MALRD1: variants seen among roughly 807,000 people sequenced by gnomAD.
MALRD1 encodes the protein MAM and LDL receptor class A domain containing 1.
MALRD1 carries 247 observed loss-of-function variants against 242.1 expected under a neutral mutation model. The ratio of observed to expected loss-of-function variants is 1.02; its 90% confidence interval spans 0.92 to 1.13. The LOEUF is 1.13. Ranked by LOEUF, MALRD1 falls within the 50% of genes most tolerant of loss-of-function variation. MALRD1 has a pLI of 0.00. For missense variants in MALRD1, 2,989 were observed against 2,533.1 expected, an observed-to-expected ratio of 1.18 and a Z score of -3.86; for synonymous variants, 995 against 866.6, an observed-to-expected ratio of 1.15 and a Z score of -2.60.
intron 29 of MALRD1, among the ~76,000 whole-genome samples, chr10:19,482,816 A>G (rs1191108489): frequency 2.6e-5 from 4 of 152,076 alleles, no homozygotes; most frequent in African/African-American, 7.2e-5. Flanking sequence ...ATGTAAAAAC[A>G]TTCCATGTTC....
intron 28 of MALRD1, among the ~76,000 whole-genome samples, chr10:19,433,614 A>G (rs895610229): frequency 2.6e-5 from 4 of 152,162 alleles, no homozygotes; most frequent in Non-Finnish European, 2.9e-5. Context: ...TCCATTAACT[A>G]TATTGAAGAT....
At chr10:19,576,894 G>C (rs1235467380) in intron 33 of MALRD1, among the ~76,000 whole-genome samples, 2 of 150,860 alleles carry the variant, frequency 1.3e-5, no homozygotes, top group Non-Finnish European at 2.9e-5. Flanking sequence ...TATCTTATAA[G>C]GTATTGTTGA....
intron 4 of MALRD1, among the ~76,000 whole-genome samples, chr10:19,103,080 C>T (rs1836326450): frequency 6.6e-6 from 1 of 151,882 alleles, no homozygotes; most frequent in South Asian, 2.1e-4. Context: ...AACTCCTGAC[C>T]TCAAGTGATT....
chr10:19,306,016 TTATA>T (rs1338503235), intron 21 of MALRD1, among the ~76,000 whole-genome samples: 2 of 115,416 alleles, frequency 1.7e-5, no homozygotes, highest in Admixed American at 1.0e-4. Context: ...ATACTATATA[TTATA>T]TATACTATAC....
chr10:19,222,751 G>A (rs979634426), intron 18 of MALRD1, among the ~76,000 whole-genome samples: 13 of 151,572 alleles, frequency 8.6e-5, no homozygotes, highest in Non-Finnish European at 8.8e-5. Flanking sequence ...TTCTCTGCAA[G>A]TTTTTTTTTG....
At position 19,209,450 on chromosome 10, in the gene MALRD1, G is replaced by C. The variant is rs537113802; in HGVS notation, c.2761G>C (p.Ala921Pro). ...CTACATAGAATCTTCAGAGCCACAG[G>C]CTTTTCAAGACAGTGCTGCCTTACT... ...YLYIESSEPQ[A>P]FQDSAALLSP... Residue 921 changes from alanine to proline, a missense_variant, in exon 18 of 40, where the codon GCT becomes CCT. By Grantham distance (27) the Ala-to-Pro change is conservative (BLOSUM62 -1). Coordinates refer to ENST00000454679, the MANE Select transcript of MALRD1 (RefSeq NM_001142308.3). 6.8e-5 allele frequency: 106 copies of C among 1,550,892 alleles called. No homozygotes were observed. The highest frequency in any genetic ancestry group is 2.2e-4 in the Admixed American group (11 of 51,000).
chr10:19,595,272 C>T lies in MALRD1; in HGVS notation c.5759C>T (p.Ser1920Leu). The change falls in exon 34 of 40, where the codon TCA (serine) becomes TTA (leucine). Residue 1920 changes from serine to leucine, a missense_variant. Transcript: ENST00000454679. ...CIYTLQCVPL[S>L]GKCDGHEDCI... ...TACACACTCCAATGTGTCCCTCTCT[C>T]AGGGAAATGTGATGGACATGAAGAC... The T allele has an allele frequency of 1.9e-6, 3 of 1,550,684 alleles. No homozygotes were observed. Among genetic ancestry groups the T allele is most frequent in the Non-Finnish European group, 2.6e-6 (3 of 1,146,950 alleles).
Position 19,574,691 on chromosome 10 carries a change from G to A in MALRD1, c.5680+6988G>A, listed in dbSNP as rs550381964. 2.5e-4 allele frequency among the ~76,000 whole-genome samples: 38 copies of A among 152,200 alleles called. No homozygotes were observed. The East Asian group carries it at 6.0e-3, about 24-fold the overall frequency. ...ACTCTCTAGACCATGTTATGTCACC[G>A]GGGAAGTGAAATAGATGATTGCTTA... On this transcript the variant is annotated intron_variant, in intron 33 of 39. Transcript: ENST00000454679.
At chr10:19,686,333 T>A (rs1842580112) in intron 36 of MALRD1, among the ~76,000 whole-genome samples, 1 of 152,152 alleles carries the variant, frequency 6.6e-6, no homozygotes, top group Admixed American at 6.5e-5. Flanking sequence ...TGTCTGCATG[T>A]GTGGGGGCCC....
At chr10:19,101,415 T>G (rs11008482) in intron 4 of MALRD1, among the ~76,000 whole-genome samples, 4,717 of 141,536 alleles carry the variant, frequency 0.033, 238 homozygotes, top group African/African-American at 0.12. Context: ...ATATATTATA[T>G]ATTATAATAA....
chr10:19,572,314 T>C (rs1252232597), intron 33 of MALRD1, among the ~76,000 whole-genome samples: 3 of 152,208 alleles, frequency 2.0e-5, no homozygotes, highest in Non-Finnish European at 4.4e-5. Flanking sequence ...TGTTTTCTGT[T>C]TTACTTCTAT....
chr10:19,420,699 G>T (rs780172390), intron 28 of MALRD1, among the ~76,000 whole-genome samples: 3 of 152,018 alleles, frequency 2.0e-5, no homozygotes, highest in Admixed American at 6.6e-5. Context: ...TCAGAGCTTT[G>T]TCTCCCATGC....
intron 29 of MALRD1, among the ~76,000 whole-genome samples, chr10:19,458,892 TTA>T (rs35759245): frequency 8.8e-4 from 132 of 149,860 alleles, no homozygotes; most frequent in African/African-American, 2.5e-3. Context: ...TATAGTTGAG[TTA>T]TATATATATA....
chr10:19,066,980 G>A (rs751752153), intron 2 of MALRD1, 121 bp downstream of exon 2: 1 of 672,554 alleles, frequency 1.5e-6, no homozygotes, highest in Non-Finnish European at 2.1e-6. Context: ...GTTTAATTAG[G>A]GAAGCAGAAT....
At position 19,124,537 on chromosome 10, in the gene MALRD1, TG is replaced by T; in HGVS notation, c.813del (p.Phe272LeufsTer49). On this transcript the variant is annotated frameshift_variant, in exon 7 of 40. Coordinates refer to ENST00000454679, the MANE Select transcript of MALRD1 (RefSeq NM_001142308.3). LOFTEE classifies it high-confidence loss of function. ...TCTCCCGTTTAGTGTGTCAGGCCTG[TG>T]GGTTTGAATTTGACATGTGTGAGTG... ...DEELRLCQACGFEFDMCEWTS... is the reference protein window; with the variant it reads ...DEELRLCQACXFEFDMCEWTS... The T allele has an allele frequency of 4.9e-6, 6 of 1,233,712 alleles. No individual in the cohort carries two copies. The highest frequency in any genetic ancestry group is 6.1e-6 in the Non-Finnish European group (6 of 988,070). The allele number at this position is 1,233,712 out of a possible 1,614,324, so 76.4% of individuals were successfully genotyped here.
At chr10:19,647,679 C>G (rs1224192777) in intron 36 of MALRD1, among the ~76,000 whole-genome samples, 1 of 152,058 alleles carries the variant, frequency 6.6e-6, no homozygotes, top group African/African-American at 2.4e-5. Flanking sequence ...CTGGTTTAAC[C>G]TGGGATATTG....
intron 31 of MALRD1, among the ~76,000 whole-genome samples, chr10:19,523,111 G>C (rs529110645): frequency 6.6e-6 from 1 of 152,144 alleles, no homozygotes; most frequent in African/African-American, 2.4e-5. Flanking sequence ...ACCCCATGAG[G>C]CTGAAGTATG....
intron 25 of MALRD1, among the ~76,000 whole-genome samples, chr10:19,350,784 AAGG>A (rs765225423): frequency 6.6e-6 from 1 of 152,180 alleles, no homozygotes; most frequent in East Asian, 1.9e-4. Context: ...AGACAAACAA[AAGG>A]AGAAGTCCCT....
In MALRD1 at chr10:19,274,573, G is replaced by A. The variant is rs11009232; in HGVS notation, c.3080-5474G>A. Among the ~76,000 whole-genome samples, 393 of 152,204 alleles carry A rather than the reference G, an allele frequency of 2.6e-3. 1 individual carries two copies. Among genetic ancestry groups the A allele is most frequent in the African/African-American group, 9.2e-3 (380 of 41,508 alleles). ...AGTGGGCCAGACACCACTTCTGCTG[G>A]CACCTTGAGCTTACACTTCCCAGCC... On this transcript the variant is annotated intron_variant, in intron 19 of 39. Coordinates refer to ENST00000454679, the MANE Select transcript of MALRD1 (RefSeq NM_001142308.3).
Sources: allele counts gnomAD v4.1 joint callset (sites outside exome capture counted in the v4.1 genomes callset), GRCh38; gene constraint gnomAD v4.1.1; transcripts MANE v1.5; gene names NCBI Gene and HGNC (gene_info 2026-07-23, HGNC 2026-07-21).